Variants in DPP10 observed in about 807,000 individuals in gnomAD.
DPP10 encodes dipeptidyl peptidase like 10.
Under a neutral mutation model 120.9 loss-of-function variants are expected in DPP10, and 33 were observed. The ratio of observed to expected loss-of-function variants is 0.27; its 90% confidence interval spans 0.21 to 0.37. The LOEUF (loss-of-function observed/expected upper bound fraction) is 0.37, where lower values mean the gene tolerates loss of function less well. DPP10 is among the 10% of genes least tolerant of loss of function. The pLI is 1.00. For synonymous variants in DPP10, 337 were observed against 326.1 expected, an observed-to-expected ratio of 1.03 and a Z score of -0.36; for missense variants, 816 against 942.8, an observed-to-expected ratio of 0.87 and a Z score of 1.76.
At chr2:115,830,116 G>A (rs12989026) in intron 21 of DPP10, among the ~76,000 whole-genome samples, 12,741 of 152,070 alleles carry the variant, frequency 0.084, 764 homozygotes, top group Middle Eastern at 0.25. Context: ...AGCACTTTGG[G>A]AGGCCAAGGT....
At chr2:114,801,274 AAAAAAG>A (rs1430356413) in intron 1 of DPP10, among the ~76,000 whole-genome samples, 1 of 90,706 alleles carries the variant, frequency 1.1e-5, no homozygotes, top group Non-Finnish European at 2.3e-5. Flanking sequence ...AAAAAAAAAA[AAAAAAG>A]AAAAAAAGAA....
chr2:114,682,551 A>G (rs1699093061), intron 1 of DPP10, among the ~76,000 whole-genome samples: 2 of 151,358 alleles, frequency 1.3e-5, no homozygotes, highest in African/African-American at 4.8e-5. Context: ...GATTAATTCT[A>G]AATTGCAATC....
intron 1 of DPP10, among the ~76,000 whole-genome samples, chr2:114,808,543 C>CT (rs71394111): frequency 0.15 from 20,433 of 136,010 alleles, 1,525 homozygotes; most frequent in African/African-American, 0.18. Flanking sequence ...CGGAATCTAA[C>CT]TTTTTTTTTT....
intron 1 of DPP10, among the ~76,000 whole-genome samples, chr2:114,515,444 C>T (rs1684517182): frequency 6.6e-6 from 1 of 152,154 alleles, no homozygotes; most frequent in African/African-American, 2.4e-5. Context: ...GAAGATATGA[C>T]TTACAAATAG....
intron 1 of DPP10, among the ~76,000 whole-genome samples, chr2:114,689,348 C>T (rs530257701): frequency 3.9e-5 from 6 of 152,018 alleles, no homozygotes; most frequent in African/African-American, 1.4e-4. Context: ...TTTCCTGTTC[C>T]TGCATTAGTT....
chr2:115,162,526 T>G (rs1421312981), intron 1 of DPP10, among the ~76,000 whole-genome samples: 1 of 152,108 alleles, frequency 6.6e-6, no homozygotes, highest in Non-Finnish European at 1.5e-5. Context: ...TTGTTTCTTT[T>G]GAGGAGACGG....
intron 1 of DPP10, among the ~76,000 whole-genome samples, chr2:114,542,132 C>T (rs1897101): frequency 0.055 from 8,101 of 148,232 alleles, 282 homozygotes; most frequent in South Asian, 0.098. Flanking sequence ...ACTGCAACCT[C>T]CACTTCCCGG....
At chr2:115,584,458 A>G (rs548604843) in intron 5 of DPP10, among the ~76,000 whole-genome samples, 2 of 152,338 alleles carry the variant, frequency 1.3e-5, no homozygotes, top group South Asian at 2.1e-4. Context: ...GAAGTTGGGA[A>G]GAAGGGAAAA....
intron 2 of DPP10, among the ~76,000 whole-genome samples, chr2:115,320,210 ACAGTTTG>A (rs2061993510): frequency 6.6e-6 from 1 of 152,194 alleles, no homozygotes; most frequent in Admixed American, 6.5e-5. Context: ...TTTCTTGATT[ACAGTTTG>A]CAAAGAATAT....
At chr2:115,118,109 T>C (rs1284933221) in intron 1 of DPP10, among the ~76,000 whole-genome samples, 1 of 152,150 alleles carries the variant, frequency 6.6e-6, no homozygotes, top group Non-Finnish European at 1.5e-5. Context: ...AAAGCTATTC[T>C]CCTGTTTACT....
intron 1 of DPP10, among the ~76,000 whole-genome samples, chr2:115,307,650 TCTA>T (rs941694048): frequency 4.6e-5 from 7 of 152,106 alleles, no homozygotes; most frequent in African/African-American, 1.7e-4. Context: ...GTTCTGTCAC[TCTA>T]CCTTCTGAGT....
chr2:114,480,856 A>G (rs1460471896), intron 1 of DPP10, among the ~76,000 whole-genome samples: 1 of 150,504 alleles, frequency 6.6e-6, no homozygotes, highest in African/African-American at 2.5e-5. Flanking sequence ...TTAAAGTATA[A>G]TAATAATAAT....
chr2:114,793,893 A>G (rs1389263326), intron 1 of DPP10, among the ~76,000 whole-genome samples: 2 of 152,134 alleles, frequency 1.3e-5, no homozygotes, highest in East Asian at 1.9e-4. Context: ...TCAAGTGGGT[A>G]TATTTCATCT....
intron 1 of DPP10, among the ~76,000 whole-genome samples, chr2:114,671,441 C>G (rs903521468): frequency 5.3e-5 from 8 of 152,142 alleles, no homozygotes; most frequent in African/African-American, 1.9e-4. Flanking sequence ...TTTGAGTCTG[C>G]TTGTTTCTGC....
chr2:115,510,197 A>G (rs1017982886), intron 4 of DPP10, among the ~76,000 whole-genome samples: 1 of 152,060 alleles, frequency 6.6e-6, no homozygotes, highest in African/African-American at 2.4e-5. Context: ...TTAAATGTTG[A>G]TAAAGTCAAA....
At chr2:115,112,802 A>G (rs1203469233) in intron 1 of DPP10, among the ~76,000 whole-genome samples, 1 of 152,176 alleles carries the variant, frequency 6.6e-6, no homozygotes, top group Non-Finnish European at 1.5e-5. Flanking sequence ...ACTATAGTTA[A>G]TAATTCTCTT....
intron 1 of DPP10, among the ~76,000 whole-genome samples, chr2:114,486,176 C>A (rs978372003): frequency 8.2e-6 from 1 of 122,292 alleles, no homozygotes; most frequent in Non-Finnish European, 1.8e-5. Flanking sequence ...ATCAGACTGA[C>A]TAGGCCGGGA....
intron 5 of DPP10, among the ~76,000 whole-genome samples, chr2:115,602,057 A>C (rs2149217275): frequency 6.6e-6 from 1 of 152,324 alleles, no homozygotes; most frequent in Admixed American, 6.5e-5. Flanking sequence ...TTTTTAAATT[A>C]AATCACCTGT....
chr2:114,705,756 G>C (rs1429417928), intron 1 of DPP10, among the ~76,000 whole-genome samples: 1 of 152,150 alleles, frequency 6.6e-6, no homozygotes, highest in Non-Finnish European at 1.5e-5. Flanking sequence ...GCTATCAGTG[G>C]CAAGTAATAA....
Sources: allele counts gnomAD v4.1 joint callset (sites outside exome capture counted in the v4.1 genomes callset), GRCh38; gene constraint gnomAD v4.1.1; transcripts MANE v1.5; gene names NCBI Gene and HGNC (gene_info 2026-07-23, HGNC 2026-07-21).